Variants in ACVR2A observed in about 807,000 individuals in gnomAD.
ACVR2A encodes activin A receptor type 2A, also known as activin receptor type-2A.
ACVR2A carries 7 observed loss-of-function variants against 61.4 expected under a neutral mutation model. The ratio of observed to expected loss-of-function variants is 0.11; its 90% confidence interval spans 0.06 to 0.21. The LOEUF (loss-of-function observed/expected upper bound fraction) is 0.21, where lower values mean the gene tolerates loss of function less well. Ranked by LOEUF, ACVR2A falls within the 10% of genes least tolerant of loss-of-function variation. The pLI is 1.00. For synonymous variants in ACVR2A, 193 were observed against 208.3 expected, an observed-to-expected ratio of 0.93 and a Z score of 0.63; for missense variants, 322 against 621.7, an observed-to-expected ratio of 0.52 and a Z score of 5.13.
At chr2:147,875,277 A>T (rs114341083) in intron 1 of ACVR2A, among the ~76,000 whole-genome samples, 1,752 of 151,992 alleles carry the variant, frequency 0.012, 15 homozygotes, top group Non-Finnish European at 0.019. Context: ...GCTCTCAATT[A>T]ATGATAAAAC....
At chr2:147,924,761 C>T (rs1687463815) in intron 9 of ACVR2A, among the ~76,000 whole-genome samples, 1 of 151,838 alleles carries the variant, frequency 6.6e-6, no homozygotes, top group Admixed American at 6.6e-5. Flanking sequence ...ATACCAGATT[C>T]TTAGGAATCT....
chr2:147,879,784 T>C (rs1291258694), intron 1 of ACVR2A, among the ~76,000 whole-genome samples: 1 of 152,180 alleles, frequency 6.6e-6, no homozygotes, highest in African/African-American at 2.4e-5. Flanking sequence ...GACTTGTGAA[T>C]GAAGAACTGA....
chr2:147,849,109 A>G (rs1685388701), intron 1 of ACVR2A, among the ~76,000 whole-genome samples: 1 of 152,176 alleles, frequency 6.6e-6, no homozygotes, highest in Admixed American at 6.5e-5. Context: ...ATAATAAAAT[A>G]TTCCAATGAC....
At chr2:147,909,574 A>G (rs1383514916) in intron 4 of ACVR2A, among the ~76,000 whole-genome samples, 2 of 151,998 alleles carry the variant, frequency 1.3e-5, no homozygotes, top group Admixed American at 6.6e-5. Flanking sequence ...TACATTTTCT[A>G]TGTTGTGAAT....
chr2:147,895,533 C>A (rs1686709761), intron 1 of ACVR2A, among the ~76,000 whole-genome samples: 1 of 151,966 alleles, frequency 6.6e-6, no homozygotes, highest in Non-Finnish European at 1.5e-5. Flanking sequence ...TGGAATTGCT[C>A]CTGAGAAGAG....
intron 1 of ACVR2A, among the ~76,000 whole-genome samples, chr2:147,861,058 C>A (rs1685715594): frequency 6.6e-6 from 1 of 152,158 alleles, no homozygotes. Context: ...CTACTTTACA[C>A]AGTTGTTATA....
Position 147,929,919 on chromosome 2 carries a change from A to G in ACVR2A, c.*2645A>G, listed in dbSNP as rs1156726536. 1 of 152,460 alleles carries G rather than the reference A, an allele frequency of 6.6e-6. No homozygotes were observed. The highest frequency in any genetic ancestry group is 6.6e-5 in the Admixed American group (1 of 15,196). 9.4% of individuals were successfully genotyped at this position (152,460 alleles called of 1,614,324 possible). A position where few individuals can be genotyped will look rare whatever the true frequency, so the allele number is the denominator to read the frequency against. On this transcript the variant is annotated 3_prime_UTR_variant, in exon 11 of 11. Transcript: ENST00000241416. Reference sequence around the variant, plus strand: ...TTTACCTTGCCCAGATCTCCGCGTAAGGAATGCTTTATGATCAACTTGCCA... The same window carrying G: ...TTTACCTTGCCCAGATCTCCGCGTAGGGAATGCTTTATGATCAACTTGCCA...
chr2:147,846,246 C>G (rs182660273), intron 1 of ACVR2A, among the ~76,000 whole-genome samples: 144 of 150,950 alleles, frequency 9.5e-4, no homozygotes, highest in African/African-American at 3.4e-3. Flanking sequence ...ATTTAATATT[C>G]AGTTACAAGC....
chr2:147,922,545 G>A (rs905859672), intron 8 of ACVR2A, among the ~76,000 whole-genome samples: 1 of 152,040 alleles, frequency 6.6e-6, no homozygotes, highest in African/African-American at 2.4e-5. Context: ...CATAGATTTT[G>A]TACAGATAGA....
At position 147,888,139 on chromosome 2, in the gene ACVR2A, A is replaced by T. The variant is rs111460562; in HGVS notation, c.56-8162A>T. Among the ~76,000 whole-genome samples the T allele has an allele frequency of 2.0e-5, 3 of 152,036 alleles. 1 individual carries two copies. Among genetic ancestry groups the T allele is most frequent in the African/African-American group, 7.2e-5 (3 of 41,482 alleles). On this transcript the variant is annotated intron_variant, in intron 1 of 10. Transcript: ENST00000241416. ...ACGAATTAGACGTGTTTGTATGTAG[A>T]TCTCTTTCTGGGTCCTATATCTTTT...
At chr2:147,864,327 T>G (rs1685800684) in intron 1 of ACVR2A, among the ~76,000 whole-genome samples, 1 of 152,248 alleles carries the variant, frequency 6.6e-6, no homozygotes, top group Middle Eastern at 3.4e-3. Flanking sequence ...CCTCCCAGTT[T>G]CAAGCAATTC....
chr2:147,844,966 C>T (rs1404041513), upstream of ACVR2A: 11 of 348,398 alleles, frequency 3.2e-5, no homozygotes, highest in African/African-American at 2.1e-4. Flanking sequence ...TCGTTGTGCT[C>T]TTTTTTTTCT....
At chr2:147,861,930 A>G (rs557507030) in intron 1 of ACVR2A, among the ~76,000 whole-genome samples, 56 of 146,020 alleles carry the variant, frequency 3.8e-4, no homozygotes, top group Non-Finnish European at 6.2e-4. Flanking sequence ...AAGTGATTTC[A>G]TGTCTGTTTC....
chr2:147,896,990 G>A (rs904395504), intron 2 of ACVR2A: 1 of 122,416 alleles, frequency 8.2e-6, no homozygotes, highest in Non-Finnish European at 1.5e-5. Flanking sequence ...TGCAAAGTAG[G>A]CCTTTCGCTC....
At chr2:147,870,136 T>G (rs928330461) in intron 1 of ACVR2A, among the ~76,000 whole-genome samples, 32 of 151,856 alleles carry the variant, frequency 2.1e-4, no homozygotes, top group African/African-American at 7.3e-4. Flanking sequence ...TGTGAGAAGG[T>G]CTTAATGTGG....
intron 1 of ACVR2A, among the ~76,000 whole-genome samples, chr2:147,881,174 T>C (rs1686288987): frequency 6.6e-6 from 1 of 152,228 alleles, no homozygotes; most frequent in African/African-American, 2.4e-5. Context: ...TCCCAGGTGT[T>C]ATTCAGTTGA....
intron 1 of ACVR2A, among the ~76,000 whole-genome samples, chr2:147,856,474 C>T (rs1573912987): frequency 1.3e-5 from 2 of 151,962 alleles, no homozygotes; most frequent in East Asian, 3.9e-4. Context: ...TTATTATTAC[C>T]TTAAGTAAAA....
chr2:147,924,173 C>G (rs1473963272), intron 9 of ACVR2A, among the ~76,000 whole-genome samples: 1 of 151,978 alleles, frequency 6.6e-6, no homozygotes, highest in Non-Finnish European at 1.5e-5. Context: ...AGAGGAATGA[C>G]ATTTATGATG....
chr2:147,870,827 C>A (rs1685994288), intron 1 of ACVR2A, among the ~76,000 whole-genome samples: 1 of 152,030 alleles, frequency 6.6e-6, no homozygotes, highest in Non-Finnish European at 1.5e-5. Context: ...GTACCCTCTT[C>A]CTTCTTTATA....
Sources: allele counts gnomAD v4.1 joint callset (sites outside exome capture counted in the v4.1 genomes callset), GRCh38; gene constraint gnomAD v4.1.1; transcripts MANE v1.5; gene names NCBI Gene and HGNC (gene_info 2026-07-23, HGNC 2026-07-21).